PRUNE2: variants seen among roughly 807,000 people sequenced by gnomAD.
PRUNE2 encodes the protein protein prune homolog 2.
A neutral mutation model predicts 252.0 loss-of-function variants in PRUNE2; 164 were observed. That is an observed-to-expected ratio of 0.65 (90% confidence interval 0.57 to 0.74). PRUNE2 has a LOEUF of 0.74. Among genes scored for constraint, PRUNE2 ranks in the 30% least tolerant of loss-of-function variants. PRUNE2 has a pLI of 0.00. For synonymous variants in PRUNE2, 1,292 were observed against 1,350.2 expected, an observed-to-expected ratio of 0.96 and a Z score of 0.94; for missense variants, 3,495 against 3,711.0, an observed-to-expected ratio of 0.94 and a Z score of 1.51.
chr9:76,788,901 T>TC (rs2055286004), intron 6 of PRUNE2, among the ~76,000 whole-genome samples: 2 of 152,144 alleles, frequency 1.3e-5, no homozygotes, highest in Admixed American at 6.5e-5. Flanking sequence ...TATATAAGCT[T>TC]CAAGATGGAG....
intron 6 of PRUNE2, among the ~76,000 whole-genome samples, chr9:76,741,584 A>G (rs2049624297): frequency 6.6e-6 from 1 of 152,208 alleles, no homozygotes; most frequent in Non-Finnish European, 1.5e-5. Context: ...ATGGGCCAGG[A>G]CATATGGCCC....
chr9:76,666,494 C>G (rs2040205534), intron 9 of PRUNE2, among the ~76,000 whole-genome samples: 1 of 152,210 alleles, frequency 6.6e-6, no homozygotes, highest in South Asian at 2.1e-4. Context: ...CTAAAAGTCT[C>G]TGATATGCAG....
intron 3 of PRUNE2, 63 bp from the exon 4 acceptor site, chr9:76,846,741 TG>T: frequency 7.1e-7 from 1 of 1,415,014 alleles, no homozygotes; most frequent in East Asian, 2.3e-5. Context: ...CTTTTTGGAA[TG>T]TTTAAATCTC....
At chr9:76,768,583 A>ATGTGTGTGTGTGTGTG (rs55793596) in intron 6 of PRUNE2, among the ~76,000 whole-genome samples, 14 of 103,244 alleles carry the variant, frequency 1.4e-4, no homozygotes, top group African/African-American at 3.6e-4. Flanking sequence ...ATGTATATGT[A>ATGTGTGTGTGTGTGTG]TGTGTGTGTG....
At chr9:76,671,899 G>A (rs1372186700) in intron 9 of PRUNE2, among the ~76,000 whole-genome samples, 4 of 152,010 alleles carry the variant, frequency 2.6e-5, no homozygotes, top group Admixed American at 1.3e-4. Flanking sequence ...GCTCCTGAAG[G>A]AAGCACTAAA....
intron 9 of PRUNE2, among the ~76,000 whole-genome samples, chr9:76,694,906 T>C (rs1214977506): frequency 6.6e-6 from 1 of 152,150 alleles, no homozygotes; most frequent in African/African-American, 2.4e-5. Flanking sequence ...TAAATTATTA[T>C]TTAATAAATG....
intron 6 of PRUNE2, among the ~76,000 whole-genome samples, chr9:76,745,333 T>C (rs1379951201): frequency 6.6e-6 from 1 of 152,170 alleles, no homozygotes; most frequent in Admixed American, 6.5e-5. Flanking sequence ...TGCTGAGGTG[T>C]AGACATAAAC....
chr9:76,720,500 C>T (rs1428555440), intron 6 of PRUNE2, among the ~76,000 whole-genome samples: 2 of 152,186 alleles, frequency 1.3e-5, no homozygotes, highest in South Asian at 2.1e-4. Context: ...TAAACCCTCA[C>T]CTCATAGGAC....
At chr9:76,841,868 C>T (rs1237733239) in intron 4 of PRUNE2, among the ~76,000 whole-genome samples, 2 of 152,180 alleles carry the variant, frequency 1.3e-5, no homozygotes, top group Admixed American at 6.5e-5. Flanking sequence ...GCTGTGGGAG[C>T]AGCTTCAGCA....
chr9:76,843,408 A>T (rs1308673953), intron 4 of PRUNE2, among the ~76,000 whole-genome samples: 1 of 152,192 alleles, frequency 6.6e-6, no homozygotes, highest in East Asian at 1.9e-4. Flanking sequence ...CCACCATGGC[A>T]CGTGTATACC....
chr9:76,898,110 C>T (rs1025096641), intron 1 of PRUNE2, among the ~76,000 whole-genome samples: 4 of 152,094 alleles, frequency 2.6e-5, no homozygotes, highest in Admixed American at 1.3e-4. Flanking sequence ...GTAAAAGTGG[C>T]GGGGTTAGGA....
chr9:76,822,427 TG>T (rs538127084), intron 6 of PRUNE2, among the ~76,000 whole-genome samples: 134 of 152,310 alleles, frequency 8.8e-4, no homozygotes, highest in Non-Finnish European at 1.4e-3. Context: ...GGCTTGCTCT[TG>T]GGTTTTCTGA....
At chr9:76,722,589 G>A (rs2047742610) in intron 6 of PRUNE2, among the ~76,000 whole-genome samples, 1 of 152,074 alleles carries the variant, frequency 6.6e-6, no homozygotes, top group Non-Finnish European at 1.5e-5. Context: ...ACATATAAAT[G>A]CCAATATAAT....
chr9:76,804,836 G>T (rs2056819846), intron 6 of PRUNE2, among the ~76,000 whole-genome samples: 1 of 152,088 alleles, frequency 6.6e-6, no homozygotes, highest in South Asian at 2.1e-4. Context: ...CAAGTTTTTT[G>T]AAAACTTCTC....
intron 1 of PRUNE2, among the ~76,000 whole-genome samples, chr9:76,887,120 T>C (rs1191233608): frequency 1.3e-5 from 2 of 152,202 alleles, no homozygotes; most frequent in Non-Finnish European, 2.9e-5. Context: ...TTAAAAGATC[T>C]TCCAGGCAGT....
chr9:76,848,497 G>T (rs943503861), intron 3 of PRUNE2, among the ~76,000 whole-genome samples: 1 of 152,176 alleles, frequency 6.6e-6, no homozygotes, highest in Non-Finnish European at 1.5e-5. Context: ...TTGCATAATA[G>T]ATATCACAAT....
intron 6 of PRUNE2, among the ~76,000 whole-genome samples, chr9:76,774,349 G>A (rs2053453514): frequency 6.6e-6 from 1 of 151,900 alleles, no homozygotes. Context: ...TGTTGCCCAG[G>A]CTGGTCTTGA....
chr9:76,713,987 AT>A (rs1055799069), intron 6 of PRUNE2, among the ~76,000 whole-genome samples: 70 of 152,210 alleles, frequency 4.6e-4, no homozygotes, highest in Middle Eastern at 3.4e-3. Context: ...TATCCTAAAC[AT>A]TTTTTTCTAA....
intron 6 of PRUNE2, among the ~76,000 whole-genome samples, chr9:76,800,428 A>G (rs939010275): frequency 6.6e-6 from 1 of 152,212 alleles, no homozygotes; most frequent in Non-Finnish European, 1.5e-5. Context: ...GACATGATTG[A>G]GAATTTATTT....
Sources: gnomAD v4.1 joint callset for allele counts (sites outside exome capture counted in the v4.1 genomes callset) on GRCh38, gnomAD v4.1.1 for gene constraint, MANE v1.5 for transcripts, NCBI Gene and HGNC (gene_info 2026-07-23, HGNC 2026-07-21) for gene names.